Variants in GPATCH1 observed in about 807,000 individuals in gnomAD.
GPATCH1 encodes G-patch domain containing 1.
In GPATCH1, 73 loss-of-function variants were observed where a neutral mutation model predicts 114.9. That is an observed-to-expected ratio of 0.64 (90% CI 0.53 to 0.77). GPATCH1 has a LOEUF of 0.77. GPATCH1 is among the 30% of genes least tolerant of loss of function. The pLI, the probability that GPATCH1 is intolerant of heterozygous loss-of-function variation, is 0.00. For missense variants in GPATCH1, 1,058 were observed against 1,144.3 expected, an observed-to-expected ratio of 0.92 and a Z score of 1.09; for synonymous variants, 391 against 428.4, an observed-to-expected ratio of 0.91 and a Z score of 1.08.
intron 1 of GPATCH1, among the ~76,000 whole-genome samples, chr19:33,086,676 A>G (rs1336477401): frequency 6.6e-6 from 1 of 152,060 alleles, no homozygotes; most frequent in Non-Finnish European, 1.5e-5. Flanking sequence ...GGCTGTTCTC[A>G]AACTCCTGAC....
chr19:33,126,439 T>C (rs1808608767), intron 18 of GPATCH1, 149 bp from the exon 19 acceptor site: 1 of 1,206,570 alleles, frequency 8.3e-7, no homozygotes, highest in African/African-American at 1.5e-5. Flanking sequence ...TGTGCTGTCT[T>C]GTTAGGCTCT....
chr19:33,126,347 G>A (rs1242774445), intron 18 of GPATCH1, among the ~76,000 whole-genome samples: 2 of 152,148 alleles, frequency 1.3e-5, no homozygotes, highest in African/African-American at 2.4e-5. Context: ...TCCTGTCTGC[G>A]CCTTCTTGGT....
intron 9 of GPATCH1, among the ~76,000 whole-genome samples, chr19:33,105,202 C>T (rs1040857980): frequency 1.3e-5 from 2 of 151,836 alleles, no homozygotes; most frequent in Non-Finnish European, 2.9e-5. Context: ...GAGGCTGAGG[C>T]GGGTGGATCA....
intron 18 of GPATCH1, among the ~76,000 whole-genome samples, chr19:33,126,096 C>A (rs1973037789): frequency 6.6e-6 from 1 of 152,166 alleles, no homozygotes; most frequent in Non-Finnish European, 1.5e-5. Flanking sequence ...ACGGGCGTTC[C>A]CTCCTAGTGA....
intron 1 of GPATCH1, 28 bp downstream of exon 1, chr19:33,081,294 T>A (rs1972473306): frequency 6.5e-7 from 1 of 1,539,046 alleles, no homozygotes; most frequent in Non-Finnish European, 8.8e-7. Flanking sequence ...CGGCGGAGCC[T>A]GTGGAAAACA....
At chr19:33,114,009 A>G (rs1972888980) in intron 14 of GPATCH1, 106 bp downstream of exon 14, 1 of 995,770 alleles carries the variant, frequency 1.0e-6, no homozygotes, top group Admixed American at 2.5e-5. Flanking sequence ...TGAATGGTGC[A>G]TATTCTCCCT....
rs75547787 is a variant in GPATCH1 at position 33,121,094 on chromosome 19, G to A, written c.2521+1977G>A. On this transcript the variant is annotated intron_variant, in intron 17 of 19. Coordinates refer to ENST00000170564, the MANE Select transcript of GPATCH1 (RefSeq NM_018025.3). ...GGGGAATTGCAAGAAGAGTATTTAA[G>A]ACTAATATATTTTTAAAATTTTATT... is the stretch of plus-strand genomic sequence containing the variant. 0.022 allele frequency among the ~76,000 whole-genome samples: 3,315 copies of A among 151,426 alleles called. 357 individuals are homozygous for A. In the East Asian group the frequency reaches 0.34, roughly 15 times the overall value.
rs2145316972 is a variant in GPATCH1, at chr19:33,101,519, T to C, written c.1025T>C (p.Val342Ala). 6.2e-7 allele frequency: 1 copy of C among 1,601,654 alleles called. No individual in the cohort carries two copies. Among genetic ancestry groups the C allele is most frequent in the East Asian group, 2.2e-5 (1 of 44,806 alleles). ...QKESEKDLRYVGKILDGFSLA... is the reference protein window; with the variant it reads ...QKESEKDLRYAGKILDGFSLA... The stretch of plus-strand genomic sequence containing the variant: ...GAATCAGAGAAAGACCTTCGGTACG[T>C]TGGCAAAATTTTGGATGGATTTTCC... The change falls in exon 9 of 20, where the codon GTT (valine) becomes GCT (alanine). Residue 342 changes from valine to alanine, a missense_variant. Val to Ala is a moderately conservative substitution (Grantham distance 64). This residue lies in a region of GPATCH1 where 893 missense variants were observed against 977.4 expected (regional missense o/e 0.91). Transcript: ENST00000170564.
chr19:33,113,103 C>G (rs1972875669), intron 13 of GPATCH1: 1 of 156,234 alleles, frequency 6.4e-6, no homozygotes, highest in African/African-American at 2.4e-5. Context: ...ATAGTAAGAC[C>G]CCATCTCTAA....
chr19:33,091,413 C>CAAAAAA (rs1184888892), intron 3 of GPATCH1, among the ~76,000 whole-genome samples: 13 of 44,922 alleles, frequency 2.9e-4, no homozygotes, highest in Admixed American at 6.0e-4. Flanking sequence ...GACTCCGTCT[C>CAAAAAA]AAAAAAAAAA....
In GPATCH1 at chr19:33,095,574, A is replaced by T. The variant is rs1356511514; in HGVS notation, c.554-188A>T. Among the ~76,000 whole-genome samples the T allele has an allele frequency of 1.2e-4, 18 of 149,108 alleles. No homozygotes were observed. Among genetic ancestry groups the T allele is most frequent in the Non-Finnish European group, 1.8e-4 (12 of 67,314 alleles). ...CGCTGCGCCCAGCCTTTTTTTTTTT[A>T]AATTTTTTGTGGAGGCGGAATCTCA... On this transcript the variant is annotated intron_variant, in intron 5 of 19. Coordinates refer to ENST00000170564, the MANE Select transcript of GPATCH1 (RefSeq NM_018025.3).
rs539443613 is a variant in GPATCH1 at position 33,130,375 on chromosome 19, A to G, written c.*215A>G. Reference sequence around the variant, plus strand: ...TTAGTATCGGGGGAAAAAAATCCAGACTGAACAGTTTAATTAAAGTGGAAT... The same window carrying G: ...TTAGTATCGGGGGAAAAAAATCCAGGCTGAACAGTTTAATTAAAGTGGAAT... On this transcript the variant is annotated 3_prime_UTR_variant, in exon 20 of 20. Coordinates refer to ENST00000170564, the MANE Select transcript of GPATCH1 (RefSeq NM_018025.3). 2.5e-5 allele frequency: 11 copies of G among 431,668 alleles called. 1 individual carries two copies. In the South Asian group the frequency reaches 6.2e-4, roughly 24 times the overall value. 26.7% of individuals were successfully genotyped at this position (431,668 alleles called of 1,614,324 possible).
At chr19:33,109,183 CTCCAG>C (rs916103378) in intron 10 of GPATCH1, among the ~76,000 whole-genome samples, 2 of 152,054 alleles carry the variant, frequency 1.3e-5, no homozygotes, top group African/African-American at 4.8e-5. Flanking sequence ...CACCACCGTA[CTCCAG>C]TCCAGGTGAC....
At chr19:33,095,264 T>G (rs1037924876) in intron 5 of GPATCH1, among the ~76,000 whole-genome samples, 26 of 148,228 alleles carry the variant, frequency 1.8e-4, no homozygotes, top group Non-Finnish European at 3.1e-4. Flanking sequence ...GAGGTTTTTT[T>G]TTTTTTTTTT....
At chr19:33,110,858 A>G (rs1437093009) in intron 11 of GPATCH1, among the ~76,000 whole-genome samples, 2 of 151,668 alleles carry the variant, frequency 1.3e-5, no homozygotes, top group African/African-American at 2.4e-5. Context: ...ATGGTGGCTC[A>G]TGCCTGTAAT....
intron 17 of GPATCH1, among the ~76,000 whole-genome samples, chr19:33,122,482 G>A (rs993765768): frequency 2.0e-5 from 3 of 152,036 alleles, no homozygotes; most frequent in Non-Finnish European, 4.4e-5. Flanking sequence ...CTGCCACCAC[G>A]CCTGCCTAAT....
chr19:33,090,971 T>G, intron 3 of GPATCH1, 106 bp downstream of exon 3: 1 of 701,608 alleles, frequency 1.4e-6, no homozygotes, highest in South Asian at 1.5e-5. Context: ...GATTTCCTCT[T>G]TGTTTGTAAG....
chr19:33,095,778 C>T lies in GPATCH1; in HGVS notation c.570C>T (p.Ile190=), dbSNP rs748278778. 1.9e-6 allele frequency: 3 copies of T among 1,611,018 alleles called. No individual in the cohort carries two copies. In the South Asian group the frequency reaches 3.3e-5, roughly 18 times the overall value. The change falls in exon 6 of 20, where the codon ATC becomes ATT. Residue 190 remains isoleucine, a synonymous_variant. Transcript: ENST00000170564. ...RRQKPDPGVK[I]YGCALPPGSS... The stretch of plus-strand genomic sequence containing the variant: ...CTTTTCTAGATCCTGGAGTCAAAAT[C>T]TATGGCTGTGCATTACCCCCTGGAA...
chr19:33,121,340 A>G (rs1024981548), intron 17 of GPATCH1, among the ~76,000 whole-genome samples: 123 of 91,994 alleles, frequency 1.3e-3, no homozygotes, highest in African/African-American at 4.8e-3. Flanking sequence ...TTTTTTTGAG[A>G]TGGAGTTTTG....
Sources: gnomAD v4.1 joint callset for allele counts (sites outside exome capture counted in the v4.1 genomes callset) on GRCh38, gnomAD v4.1.1 for gene constraint, gnomAD v4.1.1 regional missense constraint, MANE v1.5 for transcripts, NCBI Gene and HGNC (gene_info 2026-07-23, HGNC 2026-07-21) for gene names.